SENP6: variants seen among roughly 807,000 people sequenced by gnomAD.
The protein encoded by SENP6 is SUMO specific peptidase 6, also known as sentrin-specific protease 6.
Under a neutral mutation model 134.5 loss-of-function variants are expected in SENP6, and 41 were observed. The ratio of observed to expected loss-of-function variants is 0.30; its 90% confidence interval spans 0.24 to 0.40. The LOEUF (loss-of-function observed/expected upper bound fraction) is 0.40, where lower values mean the gene tolerates loss of function less well. Ranked by LOEUF, SENP6 falls within the 10% of genes least tolerant of loss-of-function variation. The pLI, the probability that SENP6 is intolerant of heterozygous loss-of-function variation, is 1.00. For missense variants in SENP6, 1,248 were observed against 1,312.5 expected (o/e 0.95, Z 0.76); for synonymous variants, 395 against 429.8 (o/e 0.92, Z 1.00).
chr6:75,632,534 T>C (rs980817769), intron 3 of SENP6, among the ~76,000 whole-genome samples: 1 of 152,254 alleles, frequency 6.6e-6, no homozygotes, highest in African/African-American at 2.4e-5. Context: ...CTTTGTAAAC[T>C]GATGTTTCTT....
rs28522186 is a variant in SENP6 at position 75,715,742 on chromosome 6, G to A, written c.*148G>A. On this transcript the variant is annotated 3_prime_UTR_variant, in exon 24 of 24. Transcript: ENST00000447266. ...TGTCAGATAATTAATTTCCAAAGGC[G>A]TATGTATTAAGTAAAAGTCTGTAAA... The A allele has an allele frequency of 4.4e-5, 25 of 564,456 alleles. No homozygotes were observed. The highest frequency in any genetic ancestry group is 3.4e-4 in the African/African-American group (18 of 52,448). 35.0% of individuals were successfully genotyped at this position (564,456 alleles called of 1,614,324 possible).
chr6:75,692,377 T>C (rs994689340), intron 16 of SENP6, among the ~76,000 whole-genome samples: 1 of 151,688 alleles, frequency 6.6e-6, no homozygotes, highest in South Asian at 2.1e-4. Flanking sequence ...CCCAGTACTT[T>C]GGGAGGCCGA....
In SENP6 at chr6:75,702,737, A is replaced by C. The variant is rs1050904908; in HGVS notation, c.2381A>C (p.Gln794Pro). 6.2e-7 allele frequency: 1 copy of C among 1,614,090 alleles called. No individual in the cohort carries two copies. Among genetic ancestry groups the C allele is most frequent in the Admixed American group, 1.7e-5 (1 of 60,018 alleles). The change falls in exon 19 of 24, where the codon CAG becomes CCG. Residue 794 changes from glutamine to proline, a missense_variant. Physicochemically the swap from Gln to Pro is moderately conservative, Grantham distance 76 (BLOSUM62 -1). Coordinates refer to ENST00000447266, the MANE Select transcript of SENP6 (RefSeq NM_015571.4). Reference sequence around the variant, plus strand: ...CATTACCATGAAAATGCTGTCATACAGAAATGTTCAACTGTAGAGGACAGT... The same window carrying C: ...CATTACCATGAAAATGCTGTCATACCGAAATGTTCAACTGTAGAGGACAGT... Reference protein sequence around the residue: ...NPHYHENAVIQKCSTVEDSCI... With the variant: ...NPHYHENAVIPKCSTVEDSCI...
At chr6:75,680,410 T>C (rs1346484587) in intron 16 of SENP6, among the ~76,000 whole-genome samples, 1 of 152,172 alleles carries the variant, frequency 6.6e-6, no homozygotes, top group Non-Finnish European at 1.5e-5. Context: ...AGATGTTGTT[T>C]AATTGTGAGA....
chr6:75,704,393 T>G (rs1330069790), intron 19 of SENP6, among the ~76,000 whole-genome samples: 1 of 152,206 alleles, frequency 6.6e-6, no homozygotes, highest in Non-Finnish European at 1.5e-5. Flanking sequence ...GTACTATGCC[T>G]GGATGTGCAC....
chr6:75,628,684 A>G (rs911428060), intron 3 of SENP6, among the ~76,000 whole-genome samples: 6 of 152,164 alleles, frequency 3.9e-5, no homozygotes, highest in Non-Finnish European at 8.8e-5. Context: ...TTCTAAATAG[A>G]TAAATATGGA....
intron 7 of SENP6, among the ~76,000 whole-genome samples, chr6:75,652,972 C>T (rs1771018555): frequency 6.6e-6 from 1 of 151,980 alleles, no homozygotes; most frequent in African/African-American, 2.4e-5. Flanking sequence ...TTTAGCAACT[C>T]TTTGTTATCT....
Position 75,715,469 on chromosome 6 carries a change from C to T in SENP6, c.3214C>T (p.Arg1072Ter). ...PRMRTKREEI[R>*]NIILKLQEDQ... ...AATGAGAACAAAAAGAGAAGAAATC[C>T]GAAACATAATTCTGAAGCTACAGGA... Residue 1072 changes from arginine to a stop codon, truncating the protein, a stop_gained, in exon 24 of 24, where the codon CGA (arginine) becomes TGA (stop). Coordinates refer to ENST00000447266, the MANE Select transcript of SENP6 (RefSeq NM_015571.4). LOFTEE classifies it high-confidence loss of function. 1.2e-6 allele frequency: 2 copies of T among 1,612,834 alleles called. No homozygotes were observed. The highest frequency in any genetic ancestry group is 1.7e-6 in the Non-Finnish European group (2 of 1,179,434).
In SENP6 at chr6:75,602,536, C is replaced by G. The variant is rs1419794328; in HGVS notation, c.12C>G (p.Gly4=). Reference sequence around the variant, plus strand: ...GTGGGAGGAGGAAGATGGCGGCCGGCAAGAGCGGCGGTAGCGCAGGGGAGA... The same window carrying G: ...GTGGGAGGAGGAAGATGGCGGCCGGGAAGAGCGGCGGTAGCGCAGGGGAGA... MAA[G]KSGGSAGEIT... is the part of the protein sequence containing the mutation. Residue 4 remains glycine, a synonymous_variant, in exon 1 of 24, where the codon GGC becomes GGG. Coordinates refer to ENST00000447266, the MANE Select transcript of SENP6 (RefSeq NM_015571.4). The G allele has an allele frequency of 6.4e-7, 1 of 1,551,534 alleles. No individual in the cohort carries two copies. The highest frequency in any genetic ancestry group is 1.7e-4 in the Middle Eastern group (1 of 5,990).
At chr6:75,622,589 T>C (rs1320324009) in intron 2 of SENP6, among the ~76,000 whole-genome samples, 1 of 152,122 alleles carries the variant, frequency 6.6e-6, no homozygotes, top group Non-Finnish European at 1.5e-5. Context: ...AAAAACATTG[T>C]TTTTAGTTTT....
At chr6:75,691,209 C>T (rs79570528) in intron 16 of SENP6, among the ~76,000 whole-genome samples, 2 of 151,082 alleles carry the variant, frequency 1.3e-5, no homozygotes, top group Non-Finnish European at 2.9e-5. Context: ...GTGACGCAAT[C>T]ACGACTCACT....
At chr6:75,705,317 C>G (rs554772092) in intron 19 of SENP6, among the ~76,000 whole-genome samples, 2 of 152,010 alleles carry the variant, frequency 1.3e-5, no homozygotes, top group Non-Finnish European at 1.5e-5. Flanking sequence ...GAGGCTGAGG[C>G]GGGTGGATCA....
chr6:75,711,432 G>A lies in SENP6; in HGVS notation c.2909+16G>A, dbSNP rs766517547. The A allele has an allele frequency of 1.3e-6, 2 of 1,513,296 alleles. No individual in the cohort carries two copies. Among genetic ancestry groups the A allele is most frequent in the African/African-American group, 2.8e-5 (2 of 72,498 alleles). The allele number at this position is 1,513,296 out of a possible 1,614,324, so 93.7% of individuals were successfully genotyped here. A position where few individuals can be genotyped will look rare whatever the true frequency, so the allele number is the denominator to read the frequency against. ...TCTGTAAACAGTAAGCATTAACTGT[G>A]TATCTTGAAAACTACATAATTTTTA... On this transcript the variant is annotated intron_variant, in intron 21 of 23. Transcript: ENST00000447266.
At chr6:75,617,190 A>C (rs1278701127) in intron 1 of SENP6, among the ~76,000 whole-genome samples, 5 of 150,910 alleles carry the variant, frequency 3.3e-5, no homozygotes, top group East Asian at 1.9e-4. Context: ...TTGGTGTTTT[A>C]AAACTTTTTC....
At chr6:75,679,784 G>A (rs1270185899) in intron 16 of SENP6, 1 of 152,180 alleles carries the variant, frequency 6.6e-6, no homozygotes, top group Admixed American at 6.5e-5. Context: ...ACAGAACTTA[G>A]CATCAGTATG....
At chr6:75,710,468 A>C (rs1300937979) in intron 20 of SENP6, among the ~76,000 whole-genome samples, 2 of 152,182 alleles carry the variant, frequency 1.3e-5, no homozygotes, top group Non-Finnish European at 2.9e-5. Flanking sequence ...ACTGAGTTGT[A>C]TAGTAGTGAA....
At chr6:75,665,240 C>T (rs1262512634) in intron 9 of SENP6, among the ~76,000 whole-genome samples, 1 of 151,250 alleles carries the variant, frequency 6.6e-6, no homozygotes, top group South Asian at 2.1e-4. Flanking sequence ...GAGCCAAGAT[C>T]GCGCCACTGC....
intron 8 of SENP6, among the ~76,000 whole-genome samples, chr6:75,662,002 A>G (rs534727677): frequency 1.6e-4 from 25 of 152,324 alleles, no homozygotes; most frequent in South Asian, 8.3e-4. Context: ...CAGTGAGCCA[A>G]GATTGCGCCA....
Position 75,621,634 on chromosome 6 carries a change from T to C in SENP6, c.146+9T>C. 1 of 1,523,412 alleles carries C rather than the reference T, an allele frequency of 6.6e-7. No individual in the cohort carries two copies. Among genetic ancestry groups the C allele is most frequent in the Non-Finnish European group, 9.0e-7 (1 of 1,107,702 alleles). 94.4% of individuals were successfully genotyped at this position (1,523,412 alleles called of 1,614,324 possible). ...GGAGATACAGATAAAGAGTAAGGAT[T>C]TTTTTTTCCCTCAGATGTTTTATAA... On this transcript the variant is annotated intron_variant, in intron 2 of 23. Coordinates refer to ENST00000447266, the MANE Select transcript of SENP6 (RefSeq NM_015571.4).
Sources: gnomAD v4.1 joint callset for allele counts (sites outside exome capture counted in the v4.1 genomes callset) on GRCh38, gnomAD v4.1.1 for gene constraint, MANE v1.5 for transcripts, NCBI Gene and HGNC (gene_info 2026-07-23, HGNC 2026-07-21) for gene names.